OPCML: variants seen among roughly 807,000 people sequenced by gnomAD.
OPCML encodes opioid-binding protein/cell adhesion molecule.
Under a neutral mutation model 37.8 loss-of-function variants are expected in OPCML, and 13 were observed. The ratio of observed to expected loss-of-function variants is 0.34; its 90% CI spans 0.22 to 0.55. The LOEUF (loss-of-function observed/expected upper bound fraction) is 0.55, where lower values mean the gene tolerates loss of function less well. Ranked by LOEUF, OPCML falls within the 20% of genes least tolerant of loss-of-function variation. OPCML has a pLI of 0.91. For missense variants in OPCML, 341 were observed against 435.6 expected, an observed-to-expected ratio of 0.78 and a Z score of 1.93; for synonymous variants, 176 against 168.8, an observed-to-expected ratio of 1.04 and a Z score of -0.33.
chr11:133,352,067 T>C (rs1413446811), intron 1 of OPCML, among the ~76,000 whole-genome samples: 1 of 152,222 alleles, frequency 6.6e-6, no homozygotes, highest in Non-Finnish European at 1.5e-5. Context: ...TTCCTATTTA[T>C]GCTCCTTCTC....
intron 1 of OPCML, among the ~76,000 whole-genome samples, chr11:133,282,373 T>A (rs1050659387): frequency 6.6e-6 from 1 of 152,068 alleles, no homozygotes; most frequent in African/African-American, 2.4e-5. Context: ...CTCCAGAGAG[T>A]GCAGGCCATA....
intron 1 of OPCML, among the ~76,000 whole-genome samples, chr11:133,253,054 G>A (rs929960917): frequency 4.0e-5 from 6 of 151,104 alleles, no homozygotes; most frequent in Admixed American, 2.0e-4. Context: ...GCTGAGGCAG[G>A]AGAACCACTT....
intron 1 of OPCML, among the ~76,000 whole-genome samples, chr11:133,160,327 G>A (rs924265135): frequency 2.0e-5 from 3 of 152,150 alleles, no homozygotes; most frequent in African/African-American, 2.4e-5. Flanking sequence ...CACTTACTAT[G>A]TGCAGGCGTT....
intron 1 of OPCML, among the ~76,000 whole-genome samples, chr11:133,238,815 G>T (rs1213591939): frequency 6.6e-6 from 1 of 152,240 alleles, no homozygotes; most frequent in Non-Finnish European, 1.5e-5. Flanking sequence ...TTTGCAAAGT[G>T]CTTTGAAGAT....
chr11:132,699,127 G>A (rs147931367), intron 2 of OPCML, among the ~76,000 whole-genome samples: 101 of 151,848 alleles, frequency 6.7e-4, no homozygotes, highest in African/African-American at 2.2e-3. Context: ...TATTGTAAAT[G>A]GGACTGTTGT....
rs116546272 is a variant in OPCML, at chr11:132,935,781, C to T, written c.146+7145G>A. On this transcript the variant is annotated intron_variant, in intron 2 of 7. Coordinates refer to ENST00000524381, the MANE Select transcript of OPCML (RefSeq NM_001012393.5). ...GATGGGAGGGAGGATAATGGAGTGACGTATTTTAGGGTTTAAACAAAATTA... is the reference window on the plus strand; with the variant it reads ...GATGGGAGGGAGGATAATGGAGTGATGTATTTTAGGGTTTAAACAAAATTA... 3.4e-3 allele frequency among the ~76,000 whole-genome samples: 512 copies of T among 152,260 alleles called. 2 individuals carry two copies. The highest frequency in any genetic ancestry group is 0.011 in the African/African-American group (477 of 41,562).
intron 1 of OPCML, among the ~76,000 whole-genome samples, chr11:132,989,666 G>A (rs1459877923): frequency 6.7e-6 from 1 of 148,538 alleles, no homozygotes; most frequent in Admixed American, 6.8e-5. Context: ...TGGAGGTGTG[G>A]ATCTGTGGTT....
chr11:132,585,758 C>A (rs1227271365), intron 3 of OPCML, among the ~76,000 whole-genome samples: 1 of 152,296 alleles, frequency 6.6e-6, no homozygotes, highest in South Asian at 2.1e-4. Flanking sequence ...TATCAGAAGT[C>A]TGAGGATAGT....
chr11:133,480,872 C>T (rs1358323244), intron 1 of OPCML, among the ~76,000 whole-genome samples: 1 of 152,220 alleles, frequency 6.6e-6, no homozygotes, highest in Non-Finnish European at 1.5e-5. Flanking sequence ...AATGGGATGA[C>T]TGAATAATCT....
intron 3 of OPCML, among the ~76,000 whole-genome samples, chr11:132,586,784 C>A (rs567175601): frequency 1.3e-5 from 2 of 152,106 alleles, no homozygotes; most frequent in African/African-American, 4.8e-5. Flanking sequence ...AGGAATGAAC[C>A]CTGCAAAGAC....
At chr11:132,759,130 T>C (rs1946169997) in intron 2 of OPCML, among the ~76,000 whole-genome samples, 4 of 152,210 alleles carry the variant, frequency 2.6e-5, no homozygotes, top group Admixed American at 2.6e-4. Flanking sequence ...TGAACCAGCC[T>C]TGCATACCAG....
Position 133,243,975 on chromosome 11 carries a change from G to T in OPCML, c.61+288289C>A, listed in dbSNP as rs1226927251. 4.6e-5 allele frequency among the ~76,000 whole-genome samples: 7 copies of T among 152,184 alleles called. No homozygotes were observed. In the East Asian group the frequency reaches 1.2e-3, roughly 25 times the overall value. On this transcript the variant is annotated intron_variant, in intron 1 of 7. Transcript: ENST00000524381. ...AGGCATCGAGGGAGCTGCTTTGGGA[G>T]AGGGGTGGACATGCATCCAGCCCCA...
At chr11:133,188,940 A>T (rs1407611763) in intron 1 of OPCML, among the ~76,000 whole-genome samples, 1 of 152,138 alleles carries the variant, frequency 6.6e-6, no homozygotes, top group African/African-American at 2.4e-5. Flanking sequence ...TAGCCAGGTG[A>T]TATCACCACT....
chr11:133,476,717 C>T (rs1489190175), intron 1 of OPCML, among the ~76,000 whole-genome samples: 2 of 152,126 alleles, frequency 1.3e-5, no homozygotes, highest in African/African-American at 4.8e-5. Flanking sequence ...ATGATTAATA[C>T]CAGGAGTGTC....
chr11:132,503,814 A>T (rs1276206349), intron 4 of OPCML, among the ~76,000 whole-genome samples: 1 of 152,160 alleles, frequency 6.6e-6, no homozygotes, highest in African/African-American at 2.4e-5. Flanking sequence ...AAAGAAAAAG[A>T]AGAAAAATCA....
At chr11:132,503,183 T>G (rs2096249293) in intron 4 of OPCML, among the ~76,000 whole-genome samples, 1 of 152,174 alleles carries the variant, frequency 6.6e-6, no homozygotes, top group African/African-American at 2.4e-5. Context: ...AGTTTAACAA[T>G]ATTTTTGCAT....
intron 1 of OPCML, among the ~76,000 whole-genome samples, chr11:133,492,001 G>A (rs1413524646): frequency 6.6e-6 from 1 of 152,168 alleles, no homozygotes; most frequent in Admixed American, 6.5e-5. Flanking sequence ...GAGGAGATGA[G>A]GAAAGCACGC....
At chr11:132,729,648 T>A (rs917655882) in intron 2 of OPCML, among the ~76,000 whole-genome samples, 4 of 152,220 alleles carry the variant, frequency 2.6e-5, no homozygotes, top group African/African-American at 9.6e-5. Context: ...GTCAAAAGGG[T>A]TCCAGAATGA....
chr11:132,432,264 C>T (rs571280538), intron 7 of OPCML, among the ~76,000 whole-genome samples: 1 of 152,290 alleles, frequency 6.6e-6, no homozygotes, highest in South Asian at 2.1e-4. Flanking sequence ...GTCTAGTACC[C>T]TGTACACAGT....
Sources: gnomAD v4.1 joint callset for allele counts (sites outside exome capture counted in the v4.1 genomes callset) on GRCh38, gnomAD v4.1.1 for gene constraint, MANE v1.5 for transcripts, NCBI Gene and HGNC (gene_info 2026-07-23, HGNC 2026-07-21) for gene names.